The following TFB1M variants were observed in gnomAD, a reference collection of about 807,000 sequenced individuals.
TFB1M encodes the protein transcription factor B1, mitochondrial.
A neutral mutation model predicts 31.1 loss-of-function variants in TFB1M; 27 were observed. The ratio of observed to expected loss-of-function variants is 0.87; its 90% CI spans 0.64 to 1.20. TFB1M has a LOEUF of 1.20. Among genes scored for constraint, TFB1M ranks in the 50% most tolerant of loss-of-function variants. The probability of loss-of-function intolerance (pLI) is 0.00; values close to 1 mark genes in which losing one functional copy is unlikely to be tolerated. For missense variants in TFB1M, 394 were observed against 418.7 expected (o/e 0.94, Z 0.51); for synonymous variants, 166 against 151.8 (o/e 1.09, Z -0.69).
chr6:155,250,971 C>T, the TFB1M span: 1 of 1,614,162 alleles, frequency 6.2e-7, no homozygotes, highest in East Asian at 2.2e-5. Context: ...TGGTTGAATC[C>T]ATTTCTGTCT....
intron 5 of TFB1M, among the ~76,000 whole-genome samples, chr6:155,281,287 T>G (rs1237857962): frequency 1.3e-5 from 2 of 152,244 alleles, no homozygotes; most frequent in Admixed American, 6.5e-5. Context: ...GACCAAGCTC[T>G]CAAAACTAGC....
At chr6:155,260,449 T>A in intron 5 of TFB1M, 49 bp from the exon 6 acceptor site, 1 of 1,613,128 alleles carries the variant, frequency 6.2e-7, no homozygotes, top group African/African-American at 1.3e-5. Flanking sequence ...ATATGTGGCA[T>A]AGTGTGATCA....
In TFB1M at chr6:155,257,585, GAT is replaced by G. The variant is rs1334926655; in HGVS notation, c.*249_*250del. The G allele has an allele frequency of 8.7e-6, 4 of 460,400 alleles. No individual in the cohort carries two copies. Among genetic ancestry groups the G allele is most frequent in the Non-Finnish European group, 1.5e-5 (4 of 262,814 alleles). 28.5% of individuals were successfully genotyped at this position (460,400 alleles called of 1,614,324 possible). ...GCAGATACTTCATTTTTGTAAGATA[GAT>G]TGTAATAGATGCTGTTTATACTAAA... On this transcript the variant is annotated 3_prime_UTR_variant, in exon 7 of 7. Transcript: ENST00000367166.
At chr6:155,259,878 G>C (rs1784313797) in intron 6 of TFB1M, among the ~76,000 whole-genome samples, 1 of 152,200 alleles carries the variant, frequency 6.6e-6, no homozygotes, top group Non-Finnish European at 1.5e-5. Context: ...ATATGATTTT[G>C]GCTGCTCAGA....
intron 5 of TFB1M, among the ~76,000 whole-genome samples, chr6:155,267,730 C>T (rs112274989): frequency 0.012 from 1,864 of 152,220 alleles, 35 homozygotes; most frequent in Non-Finnish European, 0.015. Flanking sequence ...TCCTCCTGGC[C>T]CCTTGACTCT....
At chr6:155,313,950 G>A (rs985591384) in intron 1 of TFB1M, among the ~76,000 whole-genome samples, 2 of 152,218 alleles carry the variant, frequency 1.3e-5, no homozygotes, top group East Asian at 1.9e-4. Context: ...GTCAGCATGT[G>A]CTGTACTATT....
Position 155,285,263 on chromosome 6 carries a change from A to G in TFB1M, c.561T>C (p.Asn187=). The G allele has an allele frequency of 6.2e-7, 1 of 1,614,020 alleles. No homozygotes were observed. Among genetic ancestry groups the G allele is most frequent in the South Asian group, 1.1e-5 (1 of 91,076 alleles). The change falls in exon 5 of 7, where the codon AAT becomes AAC. Residue 187 remains asparagine (N), a synonymous_variant. Coordinates refer to ENST00000367166, the MANE Select transcript of TFB1M (RefSeq NM_016020.4). ...QKEVAERLAA[N]TGSKQRSRLS... ...GGCGACTACGCTGTTTGCTTCCTGT[A>G]TTGGCTGCAAGTCTCTAGAGAGAGA...
the TFB1M span, chr6:155,250,482 G>T: frequency 7.0e-7 from 1 of 1,428,926 alleles, no homozygotes; most frequent in South Asian, 1.2e-5. Context: ...AACAGGAAAG[G>T]ACTGGAGATC....
intron 5 of TFB1M, 24 bp downstream of exon 5, chr6:155,285,134 T>C (rs1282646829): frequency 2.5e-6 from 4 of 1,613,162 alleles, no homozygotes; most frequent in African/African-American, 1.3e-5. Context: ...TCCGATATAC[T>C]ACAACAAATA....
intron 2 of TFB1M, among the ~76,000 whole-genome samples, chr6:155,300,129 T>G (rs1336772374): frequency 6.6e-6 from 1 of 152,152 alleles, no homozygotes; most frequent in African/African-American, 2.4e-5. Context: ...CTTCCCAAAT[T>G]TGTAGGGTCT....
At chr6:155,266,605 G>A (rs1030978061) in intron 5 of TFB1M, among the ~76,000 whole-genome samples, 15 of 152,052 alleles carry the variant, frequency 9.9e-5, no homozygotes, top group Non-Finnish European at 2.1e-4. Context: ...CCAGCACTTT[G>A]GAAGGCCAAA....
At chr6:155,296,191 A>G (rs191821739) in intron 4 of TFB1M, among the ~76,000 whole-genome samples, 5 of 152,144 alleles carry the variant, frequency 3.3e-5, no homozygotes. Flanking sequence ...GAGGAAGTAC[A>G]ATTTATATAC....
At chr6:155,280,568 A>C (rs887593771) in intron 5 of TFB1M, among the ~76,000 whole-genome samples, 2 of 152,158 alleles carry the variant, frequency 1.3e-5, no homozygotes, top group Non-Finnish European at 2.9e-5. Context: ...TTGTCAATAC[A>C]TCACCTTTAT....
intron 5 of TFB1M, among the ~76,000 whole-genome samples, chr6:155,264,976 T>C (rs777071544): frequency 2.0e-4 from 31 of 152,164 alleles, no homozygotes; most frequent in South Asian, 4.1e-4. Flanking sequence ...CTGACAATTG[T>C]TGTATAAAGG....
chr6:155,308,199 C>G (rs1483951880), intron 2 of TFB1M, among the ~76,000 whole-genome samples: 3 of 152,130 alleles, frequency 2.0e-5, no homozygotes, highest in Non-Finnish European at 4.4e-5. Context: ...TAGAAATGCA[C>G]AATCAGAATG....
chr6:155,285,223 G>C lies in TFB1M; in HGVS notation c.601C>G (p.Gln201Glu). ...ATGTGTCGAACATTGCAGAGGTACTGAGCCATAACAGAGAGGCGACTACGC... is the reference window on the plus strand; with the variant it reads ...ATGTGTCGAACATTGCAGAGGTACTCAGCCATAACAGAGAGGCGACTACGC... ...KQRSRLSVMA[Q>E]YLCNVRHIFT... is the part of the protein sequence containing the mutation. The change falls in exon 5 of 7, where the codon CAG becomes GAG. Residue 201 changes from glutamine to glutamate, a missense_variant. Physicochemically the swap from Gln to Glu is conservative, Grantham distance 29. Around this residue, in one of 3 missense-constraint regions of TFB1M, gnomAD observed 273 missense variants for 256.4 expected, o/e 1.06. Transcript: ENST00000367166. The C allele has an allele frequency of 6.2e-7, 1 of 1,614,036 alleles. No homozygotes were observed. The highest frequency in any genetic ancestry group is 1.1e-5 in the South Asian group (1 of 91,070).
chr6:155,293,978 G>A (rs1777048213), intron 4 of TFB1M, among the ~76,000 whole-genome samples: 1 of 151,982 alleles, frequency 6.6e-6, no homozygotes, highest in African/African-American at 2.4e-5. Context: ...CTTTCTCTCT[G>A]TCCTGTAGGG....
At chr6:155,288,586 G>A (rs916879407) in intron 4 of TFB1M, among the ~76,000 whole-genome samples, 1 of 152,202 alleles carries the variant, frequency 6.6e-6, no homozygotes, top group Non-Finnish European at 1.5e-5. Flanking sequence ...AAGTATTTAA[G>A]TATATTTCAC....
Position 155,257,619 on chromosome 6 carries a change from ATAAC to A in TFB1M, c.*213_*216del, listed in dbSNP as rs375747161. The A allele has an allele frequency of 7.2e-6, 4 of 551,954 alleles. No homozygotes were observed. Among genetic ancestry groups the A allele is most frequent in the African/African-American group, 1.9e-5 (1 of 53,078 alleles). The allele number at this position is 551,954 out of a possible 1,614,324, so 34.2% of individuals were successfully genotyped here. ...AGATGCTGTTTATACTAAACATGTC[ATAAC>A]TATCTATACAGTATATATTAAAAGA... On this transcript the variant is annotated 3_prime_UTR_variant, in exon 7 of 7. Coordinates refer to ENST00000367166, the MANE Select transcript of TFB1M (RefSeq NM_016020.4).
Sources: gnomAD v4.1 joint callset for allele counts (sites outside exome capture counted in the v4.1 genomes callset) on GRCh38, gnomAD v4.1.1 for gene constraint, gnomAD v4.1.1 regional missense constraint, MANE v1.5 for transcripts, NCBI Gene and HGNC (gene_info 2026-07-23, HGNC 2026-07-21) for gene names.